The following SATB1 variants were observed in gnomAD, a reference collection of about 807,000 sequenced individuals.
The protein encoded by SATB1 is SATB homeobox 1.
A neutral mutation model predicts 86.9 loss-of-function variants in SATB1; 11 were observed. The ratio of observed to expected loss-of-function variants is 0.13; its 90% confidence interval spans 0.08 to 0.21. SATB1 has a LOEUF of 0.21. Ranked by LOEUF, SATB1 falls within the 10% of genes least tolerant of loss-of-function variation. The pLI, the probability that SATB1 is intolerant of heterozygous loss-of-function variation, is 1.00. For synonymous variants in SATB1, 357 were observed against 357.2 expected (o/e 1.00, Z 0.01); for missense variants, 551 against 937.6 (o/e 0.59, Z 5.39).
chr3:18,388,476 A>C (rs188117487), intron 7 of SATB1, among the ~76,000 whole-genome samples: 50 of 152,310 alleles, frequency 3.3e-4, no homozygotes, highest in African/African-American at 1.1e-3. Flanking sequence ...GTATAAACAC[A>C]ATATGCTACA....
chr3:18,361,263 T>C (rs1694893037), intron 9 of SATB1, among the ~76,000 whole-genome samples: 1 of 152,162 alleles, frequency 6.6e-6, no homozygotes, highest in African/African-American at 2.4e-5. Flanking sequence ...TTACTCAGGT[T>C]CGCTAAACCT....
upstream of SATB1, among the ~76,000 whole-genome samples, chr3:18,426,670 CA>C (rs1170380524): frequency 6.6e-6 from 1 of 151,904 alleles, no homozygotes; most frequent in Admixed American, 6.6e-5. This position sits in a 1 kb window ranked among gnomAD's most constrained non-coding sequence, Gnocchi z 4.2. Context: ...TAATCATTAA[CA>C]AAAAACAAGA....
intron 1 of SATB1, among the ~76,000 whole-genome samples, chr3:18,437,943 CTTG>C (rs1202601702): frequency 1.3e-5 from 2 of 152,072 alleles, no homozygotes; most frequent in Non-Finnish European, 2.9e-5. Context: ...ATCACATAGC[CTTG>C]TTGTTAATCC....
chr3:18,387,334 T>G (rs952565710), intron 7 of SATB1, among the ~76,000 whole-genome samples: 36 of 152,338 alleles, frequency 2.4e-4, no homozygotes, highest in Admixed American at 2.0e-3. Context: ...TTAACTAATT[T>G]TCAACATTGC....
intron 9 of SATB1, among the ~76,000 whole-genome samples, chr3:18,354,825 C>G (rs971972678): frequency 6.6e-5 from 10 of 152,148 alleles, no homozygotes; most frequent in Non-Finnish European, 1.5e-4. Context: ...GCTGGTTTAA[C>G]AAATATTTCA....
intron 5 of SATB1, among the ~76,000 whole-genome samples, chr3:18,412,338 T>C (rs1438265667): frequency 1.3e-5 from 2 of 152,066 alleles, no homozygotes; most frequent in Admixed American, 1.3e-4. Context: ...GCAGGGCTTA[T>C]TCAACACCCC....
rs972594522 is a variant in SATB1 at position 18,352,678 on chromosome 3, T to C, written c.1576-483A>G. On this transcript the variant is annotated intron_variant, in intron 9 of 10. Transcript: ENST00000338745. This position sits in a 1 kb window ranked among gnomAD's most constrained non-coding sequence, Gnocchi z 4.1. ...GTGTGTGAATATTTATGTGTGTACATGTATGAAACAGAAAGGACAGGTGCA... is the reference window on the plus strand; with the variant it reads ...GTGTGTGAATATTTATGTGTGTACACGTATGAAACAGAAAGGACAGGTGCA... The C allele has an allele frequency of 4.9e-5, 8 of 164,202 alleles. No homozygotes were observed. The highest frequency in any genetic ancestry group is 2.7e-5 in the Non-Finnish European group (2 of 74,354). The allele number at this position is 164,202 out of a possible 1,614,324, so 10.2% of individuals were successfully genotyped here. A position where few individuals can be genotyped will look rare whatever the true frequency, so the allele number is the denominator to read the frequency against.
intron 5 of SATB1, among the ~76,000 whole-genome samples, chr3:18,413,281 T>G (rs1346688058): frequency 6.6e-6 from 1 of 152,134 alleles, no homozygotes; most frequent in African/African-American, 2.4e-5. Context: ...TAGAGTTTAT[T>G]GGCTGAATGT....
At chr3:18,415,384 T>C (rs1698058212) in intron 4 of SATB1, 150 bp from the exon 5 acceptor site, 1 of 855,798 alleles carries the variant, frequency 1.2e-6, no homozygotes, top group African/African-American at 1.7e-5. Context: ...ATTAGTTAAT[T>C]ACTTTATACA....
At chr3:18,388,688 C>T (rs973898375) in intron 7 of SATB1, among the ~76,000 whole-genome samples, 2 of 152,166 alleles carry the variant, frequency 1.3e-5, no homozygotes, top group East Asian at 3.9e-4. Context: ...GTTATTAGCA[C>T]TCATGTTGGG....
intron 8 of SATB1, among the ~76,000 whole-genome samples, chr3:18,385,554 C>A (rs1575121821): frequency 6.6e-6 from 1 of 150,458 alleles, no homozygotes. Flanking sequence ...ACCCGGGAGG[C>A]AGAGCTTGCA....
intron 2 of SATB1, among the ~76,000 whole-genome samples, chr3:18,432,310 C>T (rs1298765546): frequency 6.6e-6 from 1 of 152,176 alleles, no homozygotes; most frequent in African/African-American, 2.4e-5. Flanking sequence ...AGCAACTGTT[C>T]CCAATCAACT....
intron 2 of SATB1, 33 bp from the exon 3 acceptor site, chr3:18,417,111 A>G (rs1004392502): frequency 1.3e-6 from 2 of 1,599,976 alleles, no homozygotes; most frequent in African/African-American, 2.7e-5. Flanking sequence ...GAGATGGAAA[A>G]CCAACAATCT....
chr3:18,415,351 C>T (rs1018120910), intron 4 of SATB1, 117 bp from the exon 5 acceptor site: 1 of 1,161,146 alleles, frequency 8.6e-7, no homozygotes. Flanking sequence ...CTGGAGATTG[C>T]TCTCGGTCTC....
Position 18,443,822 on chromosome 3 carries a change from C to T in SATB1, c.-25+1696G>A, listed in dbSNP as rs1393581220. Among the ~76,000 whole-genome samples the T allele has an allele frequency of 6.6e-6, 1 of 152,198 alleles. No homozygotes were observed. Among genetic ancestry groups the T allele is most frequent in the African/African-American group, 2.4e-5 (1 of 41,456 alleles). On this transcript the variant is annotated intron_variant, in intron 1 of 3. Coordinates refer to the SATB1 transcript ENST00000415069. The surrounding 1 kb of genome is among the most constrained non-coding windows in gnomAD (Gnocchi z 4.4). ...GAGGCTGCACCTGTGATGTCCCGGC[C>T]CCTGCTAAGAGGACGGCCCTTTCTT...
intron 9 of SATB1, among the ~76,000 whole-genome samples, chr3:18,375,035 C>T (rs1379142284): frequency 2.0e-5 from 3 of 152,150 alleles, no homozygotes; most frequent in Non-Finnish European, 4.4e-5. Flanking sequence ...CACCCACCTC[C>T]ATTAGGTATG....
intron 9 of SATB1, among the ~76,000 whole-genome samples, chr3:18,371,697 G>A (rs1170155949): frequency 1.3e-5 from 2 of 152,036 alleles, no homozygotes; most frequent in Non-Finnish European, 2.9e-5. Context: ...TCATTTCACA[G>A]GGTCTTTATT....
intron 1 of SATB1, 112 bp from the exon 2 acceptor site, chr3:18,421,103 T>C: frequency 1.5e-6 from 1 of 689,584 alleles, no homozygotes. Flanking sequence ...TATAATGTAT[T>C]TGTAAAATGG....
At chr3:18,358,087 G>A (rs1384899927) in intron 9 of SATB1, among the ~76,000 whole-genome samples, 3 of 151,698 alleles carry the variant, frequency 2.0e-5, no homozygotes, top group South Asian at 2.1e-4. Context: ...CCATTTTTTG[G>A]TGGCAAAGTG....
Sources: allele counts gnomAD v4.1 joint callset (sites outside exome capture counted in the v4.1 genomes callset), GRCh38; gene constraint gnomAD v4.1.1; non-coding constraint Gnocchi (gnomAD v3.1); transcripts MANE v1.5; gene names NCBI Gene and HGNC (gene_info 2026-07-23, HGNC 2026-07-21).